Variants in THRB observed in about 807,000 individuals in gnomAD.
THRB encodes nuclear receptor subfamily 1 group A member 2.
In THRB, 12 loss-of-function variants were observed where a neutral mutation model predicts 47.8. The observed-to-expected ratio is 0.25, with a 90% CI of 0.16 to 0.41. The LOEUF is 0.41. Among genes scored for constraint, THRB ranks in the 10% least tolerant of loss-of-function variants. The probability of loss-of-function intolerance (pLI) is 1.00; values close to 1 mark genes in which losing one functional copy is unlikely to be tolerated. For missense variants in THRB, 348 were observed against 589.2 expected (o/e 0.59, Z 4.24); for synonymous variants, 218 against 212.2 (o/e 1.03, Z -0.24).
intron 4 of THRB, among the ~76,000 whole-genome samples, chr3:24,211,005 C>A (rs1172242465): frequency 6.6e-6 from 1 of 151,932 alleles, no homozygotes. Flanking sequence ...TCGAGACCAG[C>A]CTGGCCAATA....
chr3:24,365,594 T>C (rs1675106964), intron 1 of THRB, among the ~76,000 whole-genome samples: 1 of 152,190 alleles, frequency 6.6e-6, no homozygotes. Context: ...CAAAGAAATA[T>C]GATAACTGCA....
At chr3:24,274,532 G>T (rs1383016052) in intron 3 of THRB, among the ~76,000 whole-genome samples, 1 of 152,066 alleles carries the variant, frequency 6.6e-6, no homozygotes, top group Non-Finnish European at 1.5e-5. Flanking sequence ...CCTTTGTAAT[G>T]AACAATTTTG....
intron 2 of THRB, among the ~76,000 whole-genome samples, chr3:24,317,166 T>A (rs1284636537): frequency 2.0e-5 from 3 of 152,138 alleles, no homozygotes; most frequent in African/African-American, 7.2e-5. Context: ...ATGGGGTCTG[T>A]AAGTATGAGT....
chr3:24,249,330 T>C (rs546987251), intron 3 of THRB, among the ~76,000 whole-genome samples: 86 of 152,128 alleles, frequency 5.7e-4, no homozygotes, highest in Non-Finnish European at 6.5e-4. Context: ...TAACAAACTA[T>C]CAGTGGATAG....
intron 1 of THRB, among the ~76,000 whole-genome samples, chr3:24,398,729 T>A (rs1044645443): frequency 2.0e-5 from 3 of 152,158 alleles, no homozygotes; most frequent in Non-Finnish European, 1.5e-5. Context: ...CATTACTGGG[T>A]ATATACCCAA....
chr3:24,464,072 C>G (rs893412988), intron 1 of THRB, among the ~76,000 whole-genome samples: 7 of 151,970 alleles, frequency 4.6e-5, no homozygotes, highest in Non-Finnish European at 1.0e-4. Context: ...CGGTGAAACC[C>G]CATCTCTACT....
chr3:24,467,548 T>C (rs1434477321), intron 1 of THRB, among the ~76,000 whole-genome samples: 2 of 152,258 alleles, frequency 1.3e-5, no homozygotes, highest in Non-Finnish European at 2.9e-5. Flanking sequence ...CTTTGATCCA[T>C]AGGCTTCAGA....
intron 1 of THRB, among the ~76,000 whole-genome samples, chr3:24,450,299 G>A (rs927426589): frequency 8.5e-5 from 13 of 152,190 alleles, no homozygotes; most frequent in African/African-American, 3.1e-4. Context: ...CCTGCAGAGA[G>A]GCAGGTAAAT....
At chr3:24,207,161 C>G (rs560564746) in intron 4 of THRB, among the ~76,000 whole-genome samples, 1 of 152,272 alleles carries the variant, frequency 6.6e-6, no homozygotes, top group Admixed American at 6.5e-5. Context: ...CAGCATCATC[C>G]TGATACCAAA....
At chr3:24,489,894 A>G (rs949829894) in intron 1 of THRB, among the ~76,000 whole-genome samples, 1 of 152,228 alleles carries the variant, frequency 6.6e-6, no homozygotes, top group Admixed American at 6.5e-5. Flanking sequence ...AACATTTTAA[A>G]TCAGAAGCTC....
intron 5 of THRB, among the ~76,000 whole-genome samples, chr3:24,176,523 C>T (rs1461787227): frequency 6.6e-6 from 1 of 152,130 alleles, no homozygotes; most frequent in Non-Finnish European, 1.5e-5. Context: ...TTAGACTATG[C>T]CACAGCTGAT....
chr3:24,305,456 T>G (rs1576695509), intron 2 of THRB, among the ~76,000 whole-genome samples: 1 of 152,068 alleles, frequency 6.6e-6, no homozygotes, highest in East Asian at 1.9e-4. Flanking sequence ...ATGTGTAGGG[T>G]AAGGTCAAGG....
intron 1 of THRB, among the ~76,000 whole-genome samples, chr3:24,383,235 A>ACAAG (rs1225856202): frequency 6.6e-6 from 1 of 152,162 alleles, no homozygotes; most frequent in African/African-American, 2.4e-5. Flanking sequence ...AAACAAACAA[A>ACAAG]CAAACAAACA....
At chr3:24,389,523 C>A (rs2066393876) in intron 1 of THRB, among the ~76,000 whole-genome samples, 1 of 152,174 alleles carries the variant, frequency 6.6e-6, no homozygotes, top group Non-Finnish European at 1.5e-5. Context: ...CCCCCTCCTT[C>A]AAGGCTGTTA....
chr3:24,468,243 G>A (rs1053557053), intron 1 of THRB, among the ~76,000 whole-genome samples: 32 of 152,276 alleles, frequency 2.1e-4, no homozygotes, highest in Non-Finnish European at 3.7e-4. Context: ...GGAATGTTGC[G>A]GCTGGTTTGA....
At chr3:24,434,329 G>A (rs1025200099) in intron 1 of THRB, among the ~76,000 whole-genome samples, 3 of 152,138 alleles carry the variant, frequency 2.0e-5, no homozygotes, top group Non-Finnish European at 4.4e-5. Flanking sequence ...GGGTTGACTG[G>A]CCATCCTCAC....
chr3:24,401,386 A>G (rs1435509075), intron 1 of THRB, among the ~76,000 whole-genome samples: 1 of 152,094 alleles, frequency 6.6e-6, no homozygotes, highest in East Asian at 1.9e-4. Context: ...CCATTTAAAG[A>G]GACTTTTTTT....
intron 1 of THRB, among the ~76,000 whole-genome samples, chr3:24,428,636 C>G (rs1315179461): frequency 2.0e-5 from 3 of 151,908 alleles, no homozygotes. Context: ...GCTAAAGCTG[C>G]AGAGAAAATG....
intron 1 of THRB, among the ~76,000 whole-genome samples, chr3:24,385,789 T>C (rs1005542600): frequency 2.6e-5 from 4 of 152,146 alleles, no homozygotes; most frequent in Non-Finnish European, 4.4e-5. Flanking sequence ...AACTGGCCTA[T>C]AGAGCTTCTA....
Sources: gnomAD v4.1 joint callset for allele counts (sites outside exome capture counted in the v4.1 genomes callset) on GRCh38, gnomAD v4.1.1 for gene constraint, MANE v1.5 for transcripts, NCBI Gene and HGNC (gene_info 2026-07-23, HGNC 2026-07-21) for gene names.